EPHA4: variants seen among roughly 807,000 people sequenced by gnomAD.
EPHA4 encodes the protein EPH receptor A4, also known as ephrin type-A receptor 4.
A neutral mutation model predicts 108.3 loss-of-function variants in EPHA4; 19 were observed. That is an observed-to-expected ratio of 0.18 (90% CI 0.12 to 0.26). EPHA4 has a LOEUF of 0.26. Among genes scored for constraint, EPHA4 ranks in the 10% least tolerant of loss-of-function variants. The probability of loss-of-function intolerance (pLI) is 1.00; values close to 1 mark genes in which losing one functional copy is unlikely to be tolerated. For missense variants in EPHA4, 917 were observed against 1,254.0 expected, an observed-to-expected ratio of 0.73 and a Z score of 4.06; for synonymous variants, 449 against 455.5, an observed-to-expected ratio of 0.99 and a Z score of 0.18.
chr2:221,572,126 C>T (rs1694859787), intron 1 of EPHA4, 32 bp downstream of exon 1: 3 of 1,592,742 alleles, frequency 1.9e-6, no homozygotes, highest in Non-Finnish European at 2.6e-6. Context: ...CCCTCGCTGT[C>T]CCCGACCACA....
At chr2:221,429,908 C>A in intron 15 of EPHA4, 50 bp downstream of exon 15, 1 of 1,592,670 alleles carries the variant, frequency 6.3e-7, no homozygotes, top group Non-Finnish European at 8.6e-7. Context: ...ACTTGCCTGC[C>A]TCCTCTAATG....
intron 11 of EPHA4, among the ~76,000 whole-genome samples, chr2:221,439,696 T>G (rs527979192): frequency 6.6e-6 from 1 of 151,712 alleles, no homozygotes; most frequent in East Asian, 2.0e-4. Context: ...CTAAATGAGT[T>G]TTAATCAACC....
rs1694820008 is a variant in EPHA4 at position 221,571,032 on chromosome 2, T to TAC, written c.91+1124_91+1125dup. 6.6e-6 allele frequency among the ~76,000 whole-genome samples: 1 copy of TAC among 151,992 alleles called. No homozygotes were observed. The highest frequency in any genetic ancestry group is 2.1e-4 in the South Asian group (1 of 4,814). On this transcript the variant is annotated intron_variant, in intron 1 of 17. Coordinates refer to ENST00000281821, the MANE Select transcript of EPHA4 (RefSeq NM_004438.5). The surrounding 1 kb of genome is among the most constrained non-coding windows in gnomAD (Gnocchi z 6.3). The stretch of plus-strand genomic sequence containing the variant: ...CATACGCTGGAACAGAGCACGAGCA[T>TAC]ACACTCGAACACACGCGCACACACT...
chr2:221,446,273 C>T (rs1690591709), intron 8 of EPHA4, 92 bp from the exon 9 acceptor site: 1 of 677,832 alleles, frequency 1.5e-6, no homozygotes, highest in Non-Finnish European at 2.3e-6. Flanking sequence ...TACTGTAAGT[C>T]AGGCAGGTAT....
rs190260751 is a variant in EPHA4 at position 221,529,447 on chromosome 2, C to T, written c.824-28275G>A. 6.6e-5 allele frequency among the ~76,000 whole-genome samples: 10 copies of T among 152,278 alleles called. No individual in the cohort carries two copies. The East Asian group carries it at 1.9e-3, about 29-fold the overall frequency. ...TGCAGGCTGCCAACTCTCTCCACAC[C>T]TAAACACGCTGACTTGTACCAATGG... is the stretch of plus-strand genomic sequence containing the variant. On this transcript the variant is annotated intron_variant, in intron 3 of 17. Coordinates refer to ENST00000281821, the MANE Select transcript of EPHA4 (RefSeq NM_004438.5).
At chr2:221,543,879 A>T (rs1269298828) in intron 3 of EPHA4, among the ~76,000 whole-genome samples, 6 of 152,190 alleles carry the variant, frequency 3.9e-5, no homozygotes, top group Non-Finnish European at 2.9e-5. Context: ...GCTATAATAA[A>T]ATATCATAAA....
At chr2:221,489,468 T>C (rs983782330) in intron 4 of EPHA4, among the ~76,000 whole-genome samples, 1 of 152,196 alleles carries the variant, frequency 6.6e-6, no homozygotes, top group Non-Finnish European at 1.5e-5. Flanking sequence ...TTGGAGCTGG[T>C]AGTTCTGCTT....
intron 5 of EPHA4, among the ~76,000 whole-genome samples, chr2:221,466,235 T>C (rs916360116): frequency 2.6e-5 from 4 of 152,180 alleles, no homozygotes; most frequent in Admixed American, 2.0e-4. Context: ...GGAAAACACA[T>C]TGGGGTTCTC....
Position 221,430,088 on chromosome 2 carries a change from G to A in EPHA4, c.2560C>T (p.His854Tyr). ...PPPMDCPIALHQLMLDCWQKE... is the reference protein window; with the variant it reads ...PPPMDCPIALYQLMLDCWQKE... Reference sequence around the variant, plus strand: ...TGCCAGCAGTCTAGCATCAGCTGGTGGAGCGCAATGGGGCAGTCCATTGGA... The same window carrying A: ...TGCCAGCAGTCTAGCATCAGCTGGTAGAGCGCAATGGGGCAGTCCATTGGA... Residue 854 changes from histidine to tyrosine, a missense_variant, in exon 15 of 18, where the codon CAC becomes TAC. Around this residue, in one of 3 missense-constraint regions of EPHA4, gnomAD observed 133 missense variants for 132.8 expected, o/e 1.00. Transcript: ENST00000281821. The A allele has an allele frequency of 6.2e-7, 1 of 1,613,732 alleles. No individual in the cohort carries two copies. The highest frequency in any genetic ancestry group is 1.1e-5 in the South Asian group (1 of 91,018).
At chr2:221,423,180 GCAA>G (rs1689805092) in intron 17 of EPHA4, among the ~76,000 whole-genome samples, 1 of 152,182 alleles carries the variant, frequency 6.6e-6, no homozygotes, top group Admixed American at 6.5e-5. Flanking sequence ...ATACACACTT[GCAA>G]CAACACCATG....
intron 4 of EPHA4, among the ~76,000 whole-genome samples, chr2:221,497,459 C>T (rs1692331532): frequency 6.6e-6 from 1 of 152,122 alleles, no homozygotes. Context: ...ATGCACAAGG[C>T]TGAGTGCAAT....
rs1301558087 is a variant in EPHA4, at chr2:221,418,552, G to C, written c.*2820C>G. 6.6e-6 allele frequency: 1 copy of C among 152,588 alleles called. No individual in the cohort carries two copies. The highest frequency in any genetic ancestry group is 1.5e-5 in the Non-Finnish European group (1 of 68,034). 9.5% of individuals were successfully genotyped at this position (152,588 alleles called of 1,614,324 possible). ...ATCCTTCACAGATTGAATACAAGAG[G>C]TCTCAGAATGCACACACCAGCAGTG... On this transcript the variant is annotated 3_prime_UTR_variant, in exon 18 of 18. Coordinates refer to ENST00000281821, the MANE Select transcript of EPHA4 (RefSeq NM_004438.5).
At chr2:221,565,928 AG>A (rs1694615762) in intron 2 of EPHA4, among the ~76,000 whole-genome samples, 1 of 152,228 alleles carries the variant, frequency 6.6e-6, no homozygotes, top group Admixed American at 6.5e-5. Context: ...GAGTTCATGC[AG>A]GATAATTCAG....
At chr2:221,512,992 C>T (rs1362605479) in intron 3 of EPHA4, among the ~76,000 whole-genome samples, 1 of 152,094 alleles carries the variant, frequency 6.6e-6, no homozygotes, top group Non-Finnish European at 1.5e-5. Context: ...AGGCTGTCTG[C>T]TTGCAGAGGT....
intron 14 of EPHA4, among the ~76,000 whole-genome samples, chr2:221,432,432 A>G (rs1342380206): frequency 6.6e-5 from 10 of 152,206 alleles, no homozygotes; most frequent in Admixed American, 3.9e-4. Flanking sequence ...CACATAAACA[A>G]TAGATTACAT....
intron 3 of EPHA4, among the ~76,000 whole-genome samples, chr2:221,536,602 C>T (rs920022206): frequency 6.6e-6 from 1 of 152,122 alleles, no homozygotes; most frequent in African/African-American, 2.4e-5. Context: ...TCAGAAAATC[C>T]CTCTAAACAA....
intron 9 of EPHA4, among the ~76,000 whole-genome samples, chr2:221,445,831 C>T (rs1312882628): frequency 6.6e-6 from 1 of 151,986 alleles, no homozygotes; most frequent in Admixed American, 6.6e-5. Flanking sequence ...TTTAATTTTG[C>T]CACCCAGCTA....
chr2:221,446,289 G>C (rs1406884131), intron 8 of EPHA4, 108 bp from the exon 9 acceptor site: 4 of 510,966 alleles, frequency 7.8e-6, no homozygotes, highest in Non-Finnish European at 9.5e-6. Flanking sequence ...GGTATGCTAT[G>C]TACATTTCAG....
In EPHA4 at chr2:221,443,623, A is replaced by G. The variant is rs900339637; in HGVS notation, c.1775-17T>C. The G allele has an allele frequency of 6.3e-7, 1 of 1,579,676 alleles. No homozygotes were observed. The highest frequency in any genetic ancestry group is 8.7e-7 in the Non-Finnish European group (1 of 1,149,834). On this transcript the variant is annotated splice_polypyrimidine_tract_variant and intron_variant, in intron 9 of 17. Transcript: ENST00000281821. ...TTCTTACACCTGAGTGATAAACATG[A>G]TAAGTTGGCTGAATACTTCTAAGGA...
Sources: gnomAD v4.1 joint callset for allele counts (sites outside exome capture counted in the v4.1 genomes callset) on GRCh38, gnomAD v4.1.1 for gene constraint, gnomAD v4.1.1 regional missense constraint, Gnocchi (gnomAD v3.1) non-coding constraint, MANE v1.5 for transcripts, NCBI Gene and HGNC (gene_info 2026-07-23, HGNC 2026-07-21) for gene names.